The following ARHGAP45 variants were observed in gnomAD, a reference collection of about 807,000 sequenced individuals.
The protein encoded by ARHGAP45 is Rho GTPase activating protein 45.
In ARHGAP45, 56 loss-of-function variants were observed where a neutral mutation model predicts 116.1. That is an observed-to-expected ratio of 0.48 (90% confidence interval 0.39 to 0.60). The LOEUF is 0.60. Ranked by LOEUF, ARHGAP45 falls within the 20% of genes least tolerant of loss-of-function variation. The pLI is 0.00. For synonymous variants in ARHGAP45, 866 were observed against 701.7 expected, an observed-to-expected ratio of 1.23 and a Z score of -3.70; for missense variants, 1,622 against 1,601.0, an observed-to-expected ratio of 1.01 and a Z score of -0.22.
Position 1,080,361 on chromosome 19 carries a change from C to T in ARHGAP45, c.1810C>T (p.Pro604Ser), listed in dbSNP as rs148488853. ...PEEGGCTEGT[P>S]AKDHRAGRGH... Reference sequence around the variant, plus strand: ...AGAAGGCGGGTGCACTGAGGGCACACCTGCCAAGGACCACAGGGGTGAGTG... The same window carrying T: ...AGAAGGCGGGTGCACTGAGGGCACATCTGCCAAGGACCACAGGGGTGAGTG... Residue 604 changes from proline (P) to serine (S), a missense_variant, in exon 14 of 23, where the codon CCT becomes TCT. Pro to Ser is a moderately conservative substitution (Grantham distance 74). Around this residue, in one of 3 missense-constraint regions of ARHGAP45, gnomAD observed 1,334 missense variants for 1,263.8 expected, o/e 1.06. Transcript: ENST00000313093. 19 of 1,607,728 alleles carry T rather than the reference C, an allele frequency of 1.2e-5. No homozygotes were observed. Among genetic ancestry groups the T allele is most frequent in the Non-Finnish European group, 1.5e-5 (18 of 1,178,828 alleles).
rs1907798048 is a variant in ARHGAP45, at chr19:1,074,020, C to T, written c.790+6C>T. 1.3e-6 allele frequency: 2 copies of T among 1,596,616 alleles called. No individual in the cohort carries two copies. Among genetic ancestry groups the T allele is most frequent in the East Asian group, 2.3e-5 (1 of 43,864 alleles). ...CCTGGAAGACTGTGACGCCGGTAAG[C>T]CCCCACCCAGCGGCAGGCAGGCATT... On this transcript the variant is annotated splice_donor_region_variant and intron_variant, in intron 6 of 22. Coordinates refer to ENST00000313093, the MANE Select transcript of ARHGAP45 (RefSeq NM_012292.5).
upstream of ARHGAP45, among the ~76,000 whole-genome samples, chr19:1,066,350 C>T (rs529324369): frequency 1.3e-5 from 2 of 152,184 alleles, no homozygotes; most frequent in East Asian, 1.9e-4. Context: ...TGGCCAATGC[C>T]GCCTCAGGCT....
Position 1,080,488 on chromosome 19 carries a change from A to T in ARHGAP45, c.1853A>T (p.Lys618Met). The change falls in exon 15 of 23, where the codon AAG (lysine) becomes ATG (methionine). Residue 618 changes from lysine to methionine, a missense_variant. Around this residue, in one of 3 missense-constraint regions of ARHGAP45, gnomAD observed 1,334 missense variants for 1,263.8 expected, o/e 1.06. Transcript: ENST00000313093. ...HRAGRGHQVH[K>M]SWPLSISDSD... ...GCCGGGCGAGGACACCAGGTTCACAAGTCATGGCCGCTCTCGATCTCAGAC... is the reference window on the plus strand; with the variant it reads ...GCCGGGCGAGGACACCAGGTTCACATGTCATGGCCGCTCTCGATCTCAGAC... The T allele has an allele frequency of 6.2e-7, 1 of 1,612,856 alleles. No homozygotes were observed. The highest frequency in any genetic ancestry group is 1.3e-5 in the African/African-American group (1 of 75,024).
In ARHGAP45 at chr19:1,086,263, GAAGTCACAGT is replaced by G; in HGVS notation, c.*258_*267del. 1 of 488,178 alleles carries G rather than the reference GAAGTCACAGT, an allele frequency of 2.0e-6. No homozygotes were observed. Among genetic ancestry groups the G allele is most frequent in the East Asian group, 3.5e-5 (1 of 28,482 alleles). 30.2% of individuals were successfully genotyped at this position (488,178 alleles called of 1,614,324 possible). On this transcript the variant is annotated 3_prime_UTR_variant, in exon 23 of 23. Transcript: ENST00000313093. ...GAGCTGGGGAACACTGCTGTCGTGT[GAAGTCACAGT>G]GGCCTTGTTGGTGCCCACAGGGCTG... is the stretch of plus-strand genomic sequence containing the variant.
chr19:1,080,768 G>A lies in ARHGAP45; in HGVS notation c.1999G>A (p.Ala667Thr), dbSNP rs768058631. The A allele has an allele frequency of 1.1e-4, 180 of 1,613,362 alleles. No homozygotes were observed. Among genetic ancestry groups the A allele is most frequent in the Non-Finnish European group, 1.5e-4 (176 of 1,179,984 alleles). The stretch of plus-strand genomic sequence containing the variant: ...GGTGGACCCAGACGGTGGAGCCGGG[G>A]CTTCAGCCTTTGAGCAGGGTGAGGG... ...ELVDPDGGAG[A>T]SAFEQADLNG... Residue 667 changes from alanine (A) to threonine (T), a missense_variant, in exon 16 of 23, where the codon GCT becomes ACT. Transcript: ENST00000313093.
chr19:1,079,942 C>T lies in ARHGAP45; in HGVS notation c.1527C>T (p.Tyr509=), dbSNP rs777722332. 2 of 1,611,216 alleles carry T rather than the reference C, an allele frequency of 1.2e-6. No homozygotes were observed. The highest frequency in any genetic ancestry group is 2.7e-5 in the African/African-American group (2 of 74,892). Residue 509 remains tyrosine (Y), a synonymous_variant, in exon 13 of 23, where the codon TAC becomes TAT. Coordinates refer to ENST00000313093, the MANE Select transcript of ARHGAP45 (RefSeq NM_012292.5). ...DQTIKSATIS[Y]YQMMHMQTAP... ...GCCGCCCGCAGGCCACGATCTCCTA[C>T]TACCAGATGATGCATATGCAGACGG...
rs761620004 is a variant in ARHGAP45, at chr19:1,080,877, C to T, written c.2018-15C>T. On this transcript the variant is annotated splice_polypyrimidine_tract_variant and intron_variant, in intron 16 of 22. Coordinates refer to ENST00000313093, the MANE Select transcript of ARHGAP45 (RefSeq NM_012292.5). ...GAGCTGCCTTGGTGACACCGGCTGCCTGTGCTGCCCGCAGCTGACCTCAAC... is the reference window on the plus strand; with the variant it reads ...GAGCTGCCTTGGTGACACCGGCTGCTTGTGCTGCCCGCAGCTGACCTCAAC... The T allele has an allele frequency of 1.1e-4, 174 of 1,605,382 alleles. No homozygotes were observed. Among genetic ancestry groups the T allele is most frequent in the Non-Finnish European group, 1.4e-4 (167 of 1,175,312 alleles).
intron 11 of ARHGAP45, among the ~76,000 whole-genome samples, chr19:1,079,288 G>A (rs1190479561): frequency 1.3e-5 from 2 of 151,754 alleles, no homozygotes; most frequent in Non-Finnish European, 2.9e-5. Flanking sequence ...ATCATATGAG[G>A]CCAGGAGTTC....
rs1035707046 is a variant in ARHGAP45, at chr19:1,069,421, G to A, written c.421+677G>A. On this transcript the variant is annotated intron_variant, in intron 2 of 22. Transcript: ENST00000313093. The surrounding 1 kb of genome is among the most constrained non-coding windows in gnomAD (Gnocchi z 4.1). ...ACCTCATGTGCTGCCTTCAGCCCCC[G>A]GCTCCTCCCAGAAACCACAGTGCCA... 4.6e-5 allele frequency among the ~76,000 whole-genome samples: 7 copies of A among 152,188 alleles called. No individual in the cohort carries two copies. The highest frequency in any genetic ancestry group is 1.7e-4 in the African/African-American group (7 of 41,424).
intron 3 of ARHGAP45, 83 bp downstream of exon 3, chr19:1,073,375 A>G: frequency 6.3e-7 from 1 of 1,579,788 alleles, no homozygotes. Context: ...TGGGTTTTGA[A>G]GGATGCATAG....
chr19:1,075,178 GT>G (rs1429684275), intron 10 of ARHGAP45, among the ~76,000 whole-genome samples: 3 of 151,940 alleles, frequency 2.0e-5, no homozygotes, highest in Non-Finnish European at 4.4e-5. Context: ...TGGTCTCCGG[GT>G]TGAGGGAGAC....
chr19:1,074,896 G>GGGGC lies in ARHGAP45; in HGVS notation c.1185+25_1185+28dup. On this transcript the variant is annotated intron_variant, in intron 10 of 22. Coordinates refer to ENST00000313093, the MANE Select transcript of ARHGAP45 (RefSeq NM_012292.5). The stretch of plus-strand genomic sequence containing the variant: ...AGGAAGCTGGTGAGGCGGGCGGGCG[G>GGGGC]GGGCGGGCGGGGGCGGGCAGCGGGC... 1 of 1,458,228 alleles carries GGGGC rather than the reference G, an allele frequency of 6.9e-7. No individual in the cohort carries two copies. The highest frequency in any genetic ancestry group is 1.3e-5 in the South Asian group (1 of 78,602). 90.3% of individuals were successfully genotyped at this position (1,458,228 alleles called of 1,614,324 possible).
At position 1,069,270 on chromosome 19, in the gene ARHGAP45, G is replaced by T. The variant is rs1328508413; in HGVS notation, c.421+526G>T. Reference sequence around the variant, plus strand: ...AGGATGGGGTCATCAGGCGGCGGAGGTGCTGGGACCCAGCGGCCTGCAGGC... The same window carrying T: ...AGGATGGGGTCATCAGGCGGCGGAGTTGCTGGGACCCAGCGGCCTGCAGGC... On this transcript the variant is annotated intron_variant, in intron 2 of 22. Transcript: ENST00000313093. This position sits in a 1 kb window ranked among gnomAD's most constrained non-coding sequence, Gnocchi z 4.1. 6.6e-6 allele frequency among the ~76,000 whole-genome samples: 1 copy of T among 152,152 alleles called. No homozygotes were observed. The highest frequency in any genetic ancestry group is 2.4e-5 in the African/African-American group (1 of 41,452).
chr19:1,069,265 CG>C lies in ARHGAP45; in HGVS notation c.421+523del, dbSNP rs1568451725. ...GGGGCAGGATGGGGTCATCAGGCGG[CG>C]GAGGTGCTGGGACCCAGCGGCCTGC... is the stretch of plus-strand genomic sequence containing the variant. On this transcript the variant is annotated intron_variant, in intron 2 of 22. Transcript: ENST00000313093. This position sits in a 1 kb window ranked among gnomAD's most constrained non-coding sequence, Gnocchi z 4.1. 6.6e-6 allele frequency among the ~76,000 whole-genome samples: 1 copy of C among 152,134 alleles called. No individual in the cohort carries two copies. The highest frequency in any genetic ancestry group is 2.4e-5 in the African/African-American group (1 of 41,444).
intron 4 of ARHGAP45, 26 bp from the exon 5 acceptor site, chr19:1,073,648 C>G: frequency 6.2e-7 from 1 of 1,610,284 alleles, no homozygotes; most frequent in Non-Finnish European, 8.5e-7. Flanking sequence ...GGGTGTCTCT[C>G]GATGGTGACC....
At chr19:1,082,061 G>C (rs2043453892) in intron 19 of ARHGAP45, 100 bp downstream of exon 19, 1 of 1,054,626 alleles carries the variant, frequency 9.5e-7, no homozygotes, top group South Asian at 1.4e-5. Flanking sequence ...GACTGAGCTG[G>C]AGCAGGACTG....
chr19:1,082,910 C>A lies in ARHGAP45; in HGVS notation c.2588C>A (p.Ala863Glu), dbSNP rs373347543. ...LVGLAKDSLKAEAEAKAASRG... is the reference protein window; with the variant it reads ...LVGLAKDSLKEEAEAKAASRG... ...GGGCTGGCCAAGGACAGCCTGAAGG[C>A]AGAGGCCGAGGCCAAGGCGGCGTCC... Residue 863 changes from alanine to glutamate, a missense_variant, in exon 20 of 23, where the codon GCA (alanine) becomes GAA (glutamate). By Grantham distance (107) the Ala-to-Glu change is moderately radical (BLOSUM62 -1). Coordinates refer to ENST00000313093, the MANE Select transcript of ARHGAP45 (RefSeq NM_012292.5). 9.4e-6 allele frequency: 15 copies of A among 1,595,294 alleles called. No individual in the cohort carries two copies. In the African/African-American group the frequency reaches 1.9e-4, roughly 20 times the overall value.
Position 1,068,660 on chromosome 19 carries a change from G to A in ARHGAP45, c.337G>A (p.Val113Ile), listed in dbSNP as rs748874201. ...LPTEGAGPDV[V>I]EDISHLLADV... ...CACCGAGGGTGCCGGCCCGGACGTCGTCGAGGACATCTCCCATCTGCTGGC... is the reference window on the plus strand; with the variant it reads ...CACCGAGGGTGCCGGCCCGGACGTCATCGAGGACATCTCCCATCTGCTGGC... Residue 113 changes from valine (V) to isoleucine (I), a missense_variant, in exon 2 of 23, where the codon GTC (valine) becomes ATC (isoleucine). Physicochemically the swap from Val to Ile is conservative, Grantham distance 29. This residue lies in a region of ARHGAP45 where 279 missense variants were observed against 311.9 expected (regional missense o/e 0.89). Coordinates refer to ENST00000313093, the MANE Select transcript of ARHGAP45 (RefSeq NM_012292.5). This position sits in a 1 kb window ranked among gnomAD's most constrained non-coding sequence, Gnocchi z 7.5. The A allele has an allele frequency of 3.2e-5, 51 of 1,612,536 alleles. 1 individual carries two copies. In the Middle Eastern group the frequency reaches 6.6e-4, roughly 21 times the overall value.
In ARHGAP45 at chr19:1,082,855, A is replaced by C. The variant is rs766585789; in HGVS notation, c.2533A>C (p.Ile845Leu). The change falls in exon 20 of 23, where the codon ATC becomes CTC. Residue 845 changes from isoleucine (I) to leucine (L), a missense_variant. Physicochemically the swap from Ile to Leu is conservative, Grantham distance 5 (BLOSUM62 2). Coordinates refer to ENST00000313093, the MANE Select transcript of ARHGAP45 (RefSeq NM_012292.5). ...CTCTGCGCAGCTTCCCGAGCCGCTC[A>C]TCTCCTTCCGCCTCTACCACGAGCT... ...LYLRQLPEPL[I>L]SFRLYHELVG... The C allele has an allele frequency of 1.3e-6, 2 of 1,532,232 alleles. No homozygotes were observed. The highest frequency in any genetic ancestry group is 2.8e-5 in the African/African-American group (2 of 72,704). 94.9% of individuals were successfully genotyped at this position (1,532,232 alleles called of 1,614,324 possible). A position where few individuals can be genotyped will look rare whatever the true frequency, so the allele number is the denominator to read the frequency against.
Sources: gnomAD v4.1 joint callset for allele counts (sites outside exome capture counted in the v4.1 genomes callset) on GRCh38, gnomAD v4.1.1 for gene constraint, gnomAD v4.1.1 regional missense constraint, Gnocchi (gnomAD v3.1) non-coding constraint, MANE v1.5 for transcripts, NCBI Gene and HGNC (gene_info 2026-07-23, HGNC 2026-07-21) for gene names.